PCSK5: variants seen among roughly 807,000 people sequenced by gnomAD.
The protein encoded by PCSK5 is prohormone convertase 5.
PCSK5 carries 129 observed loss-of-function variants against 233.2 expected under a neutral mutation model. The observed-to-expected ratio is 0.55, with a 90% CI of 0.48 to 0.64. The LOEUF (loss-of-function observed/expected upper bound fraction) is 0.64, where lower values mean the gene tolerates loss of function less well. Among genes scored for constraint, PCSK5 ranks in the 30% least tolerant of loss-of-function variants. The pLI is 0.00. For missense variants in PCSK5, 2,076 were observed against 2,430.1 expected (o/e 0.85, Z 3.06); for synonymous variants, 825 against 879.2 (o/e 0.94, Z 1.09).
intron 2 of PCSK5, among the ~76,000 whole-genome samples, chr9:75,966,266 A>T (rs565187670): frequency 4.9e-4 from 75 of 152,334 alleles, no homozygotes; most frequent in Middle Eastern, 3.4e-3. Context: ...ATCTTGACAG[A>T]TTGTGTATTG....
intron 9 of PCSK5, among the ~76,000 whole-genome samples, chr9:76,113,770 T>A (rs1035125510): frequency 6.6e-6 from 1 of 152,146 alleles, no homozygotes; most frequent in Non-Finnish European, 1.5e-5. Flanking sequence ...ATCATCTGTG[T>A]ATTTTTTTAA....
chr9:76,143,773 CTT>C (rs1823324869), intron 10 of PCSK5, among the ~76,000 whole-genome samples: 1 of 148,134 alleles, frequency 6.8e-6, no homozygotes. Context: ...TGAAATGACT[CTT>C]TAATAAACCC....
At chr9:76,219,701 C>T (rs1186578278) in intron 20 of PCSK5, among the ~76,000 whole-genome samples, 1 of 152,196 alleles carries the variant, frequency 6.6e-6, no homozygotes, top group Non-Finnish European at 1.5e-5. Context: ...GCAGCGGCTT[C>T]CCCTCTCCTG....
chr9:76,198,339 T>G (rs1164816137), intron 20 of PCSK5, among the ~76,000 whole-genome samples: 4 of 152,222 alleles, frequency 2.6e-5, no homozygotes, highest in Non-Finnish European at 5.9e-5. Flanking sequence ...GCTTGAGTTG[T>G]AAGATCTTTT....
intron 24 of PCSK5, among the ~76,000 whole-genome samples, chr9:76,255,353 G>T (rs796964116): frequency 3.3e-5 from 5 of 152,284 alleles, no homozygotes; most frequent in African/African-American, 1.2e-4. Flanking sequence ...AGAGTTGAAA[G>T]CCACTGATTA....
intron 5 of PCSK5, among the ~76,000 whole-genome samples, chr9:76,028,584 G>A (rs536671989): frequency 3.3e-5 from 5 of 152,228 alleles, no homozygotes; most frequent in African/African-American, 9.6e-5. Context: ...CAGCTGATCC[G>A]TCGAGTGCAG....
chr9:75,945,393 T>C (rs1315931288), intron 2 of PCSK5, among the ~76,000 whole-genome samples: 2 of 152,052 alleles, frequency 1.3e-5, no homozygotes, highest in African/African-American at 2.4e-5. Flanking sequence ...AGAGATATTG[T>C]TGGCCCCACC....
At chr9:75,952,426 A>T (rs1174001099) in intron 2 of PCSK5, among the ~76,000 whole-genome samples, 1 of 152,198 alleles carries the variant, frequency 6.6e-6, no homozygotes, top group Non-Finnish European at 1.5e-5. Flanking sequence ...ACTATAAATT[A>T]GTTTTGAATG....
rs1023624859 is a variant in PCSK5 at position 75,982,835 on chromosome 9, G to C, written c.298-3297G>C. Among the ~76,000 whole-genome samples, 3 of 135,330 alleles carry C rather than the reference G, an allele frequency of 2.2e-5. No individual in the cohort carries two copies. In the East Asian group the frequency reaches 7.0e-4, roughly 32 times the overall value. The allele number at this position is 135,330 out of a possible 152,430, so 88.8% of individuals were successfully genotyped here. On this transcript the variant is annotated intron_variant, in intron 2 of 37. Coordinates refer to ENST00000674117, the MANE Select transcript of PCSK5 (RefSeq NM_001372043.1). ...AGTTTCTAAATCATCTTTTTGGTTT[G>C]TATTATACTTAGATACAATCTTGCA...
chr9:75,895,041 G>A (rs993532028), intron 1 of PCSK5, among the ~76,000 whole-genome samples: 2 of 152,136 alleles, frequency 1.3e-5, no homozygotes, highest in Non-Finnish European at 2.9e-5. Context: ...CTTGATTCCA[G>A]CCTGAGATTA....
At chr9:75,967,170 G>A (rs1227305722) in intron 2 of PCSK5, among the ~76,000 whole-genome samples, 4 of 151,992 alleles carry the variant, frequency 2.6e-5, no homozygotes, top group African/African-American at 9.7e-5. Flanking sequence ...TGTTACATGG[G>A]TATATTGCCT....
chr9:76,040,477 A>G (rs376693500), intron 5 of PCSK5, among the ~76,000 whole-genome samples: 132 of 151,334 alleles, frequency 8.7e-4, no homozygotes, highest in Non-Finnish European at 1.5e-3. Context: ...ACCCTGGTTA[A>G]TCAGTGCTCC....
chr9:76,172,156 G>T (rs1228407390), intron 13 of PCSK5, among the ~76,000 whole-genome samples: 1 of 152,056 alleles, frequency 6.6e-6, no homozygotes, highest in African/African-American at 2.4e-5. Context: ...ATTGTCTCTT[G>T]TCATTTATTT....
intron 20 of PCSK5, among the ~76,000 whole-genome samples, chr9:76,196,046 T>C (rs1267858586): frequency 1.3e-5 from 2 of 151,992 alleles, no homozygotes; most frequent in East Asian, 3.9e-4. Flanking sequence ...GAGGAGGGAA[T>C]TGAGAAGGAG....
intron 1 of PCSK5, among the ~76,000 whole-genome samples, chr9:75,924,184 T>A (rs947537170): frequency 2.0e-5 from 3 of 152,046 alleles, no homozygotes; most frequent in African/African-American, 7.2e-5. Context: ...ATCATAGAGA[T>A]TATACATCTT....
chr9:75,923,289 T>A (rs1823333198), intron 1 of PCSK5, among the ~76,000 whole-genome samples: 1 of 152,186 alleles, frequency 6.6e-6, no homozygotes. Flanking sequence ...TTGGGAAGAT[T>A]AGACGTAACG....
chr9:76,255,214 G>A (rs1706905694), intron 24 of PCSK5, among the ~76,000 whole-genome samples: 2 of 152,012 alleles, frequency 1.3e-5, no homozygotes, highest in South Asian at 4.2e-4. Context: ...CTGAGCCCGG[G>A]AAATTGAGGT....
chr9:76,263,708 G>A (rs932612259), intron 24 of PCSK5, among the ~76,000 whole-genome samples: 22 of 151,752 alleles, frequency 1.4e-4, no homozygotes, highest in African/African-American at 4.6e-4. Flanking sequence ...CAGCACACCA[G>A]CATGGCACAT....
intron 20 of PCSK5, chr9:76,209,491 G>A (rs1231497725): frequency 2.0e-6 from 1 of 510,568 alleles, no homozygotes; most frequent in South Asian, 1.4e-5. Flanking sequence ...CAGATGCCTG[G>A]AATAGTACCT....
Sources: allele counts gnomAD v4.1 joint callset (sites outside exome capture counted in the v4.1 genomes callset), GRCh38; gene constraint gnomAD v4.1.1; transcripts MANE v1.5; gene names NCBI Gene and HGNC (gene_info 2026-07-23, HGNC 2026-07-21).